The following SETDB2 variants were observed in gnomAD, a reference collection of about 807,000 sequenced individuals.
The protein encoded by SETDB2 is SET domain bifurcated histone lysine methyltransferase 2, also known as histone-lysine N-methyltransferase SETDB2.
SETDB2 carries 56 observed loss-of-function variants against 82.5 expected under a neutral mutation model. That is an observed-to-expected ratio of 0.68 (90% CI 0.55 to 0.85). The LOEUF (loss-of-function observed/expected upper bound fraction) is 0.85. SETDB2 is among the 40% of genes least tolerant of loss of function. The pLI is 0.00. For missense variants in SETDB2, 677 were observed against 816.4 expected (o/e 0.83, Z 2.08); for synonymous variants, 272 against 284.9 (o/e 0.95, Z 0.46).
chr13:49,487,232 A>C (rs1026351400), intron 11 of SETDB2, among the ~76,000 whole-genome samples: 3 of 152,230 alleles, frequency 2.0e-5, no homozygotes, highest in Non-Finnish European at 2.9e-5. Flanking sequence ...ATTTTAGACA[A>C]GTATAATTTC....
At chr13:49,464,162 A>G in intron 4 of SETDB2, 1 of 713,986 alleles carries the variant, frequency 1.4e-6, no homozygotes, top group Non-Finnish European at 2.6e-6. Context: ...TCCTATGAGA[A>G]TAAGTGAAAG....
chr13:49,488,331 C>T lies in SETDB2; in HGVS notation c.1618C>T (p.Leu540=). 2 of 1,601,212 alleles carry T rather than the reference C, an allele frequency of 1.2e-6. No individual in the cohort carries two copies. The highest frequency in any genetic ancestry group is 1.7e-6 in the Non-Finnish European group (2 of 1,176,874). ...CCATGTTGATGAGTTTGAAGATAAT[C>T]TGCTGATTGAATCAGATGTGATAGA... ...SNHVDEFEDN[L]LIESDVIDIT... Residue 540 remains leucine (L), a synonymous_variant, in exon 12 of 14, where the codon CTG becomes TTG. Coordinates refer to ENST00000611815, the MANE Select transcript of SETDB2 (RefSeq NM_001160308.3).
intron 2 of SETDB2, among the ~76,000 whole-genome samples, chr13:49,453,189 T>C (rs1957814815): frequency 6.6e-6 from 1 of 152,200 alleles, no homozygotes; most frequent in Non-Finnish European, 1.5e-5. Context: ...CATGGACTCA[T>C]GGCTATTTAT....
rs765747464 is a variant in SETDB2, at chr13:49,488,612, T to C, written c.1899T>C (p.Asn633=). The part of the protein sequence containing the change: ...VFLLDATKEG[N]VGRFLNHSCC... Reference sequence around the variant, plus strand: ...TATTGGATGCCACAAAAGAAGGAAATGTCGGCCGCTTCCTTAATGTGAGTA... The same window carrying C: ...TATTGGATGCCACAAAAGAAGGAAACGTCGGCCGCTTCCTTAATGTGAGTA... Residue 633 remains asparagine, a synonymous_variant, in exon 12 of 14, where the codon AAT becomes AAC. Transcript: ENST00000611815. 13 of 1,596,126 alleles carry C rather than the reference T, an allele frequency of 8.1e-6. No homozygotes were observed. The East Asian group carries it at 8.9e-5, about 11-fold the overall frequency.
Position 49,486,092 on chromosome 13 carries a change from A to AG in SETDB2, c.1576+371dup, listed in dbSNP as rs528629874. Among the ~76,000 whole-genome samples, 1,088 of 152,264 alleles carry AG rather than the reference A, an allele frequency of 7.1e-3. 4 individuals carry two copies. Among genetic ancestry groups the AG allele is most frequent in the Non-Finnish European group, 0.012 (798 of 68,002 alleles). ...TCTTAGCACTTTGGGAAGCCAAGGCAGGAGGGCTGCTTGAGGCTATGAGTC... is the reference window on the plus strand; with the variant it reads ...TCTTAGCACTTTGGGAAGCCAAGGCAGGGAGGGCTGCTTGAGGCTATGAGTC... On this transcript the variant is annotated intron_variant, in intron 11 of 13. Transcript: ENST00000611815.
chr13:49,461,186 G>T, intron 4 of SETDB2, 24 bp downstream of exon 4: 1 of 1,498,094 alleles, frequency 6.7e-7, no homozygotes, highest in South Asian at 1.2e-5. Context: ...TATTCCCATT[G>T]TAGAGTATTC....
chr13:49,463,648 G>C (rs1958043502), intron 4 of SETDB2, among the ~76,000 whole-genome samples: 1 of 152,218 alleles, frequency 6.6e-6, no homozygotes, highest in Non-Finnish European at 1.5e-5. Flanking sequence ...GCCTAGCACA[G>C]CTTATTCCAT....
At chr13:49,457,215 C>CCTT (rs1555270382) in intron 2 of SETDB2, among the ~76,000 whole-genome samples, 5 of 81,018 alleles carry the variant, frequency 6.2e-5, no homozygotes, top group African/African-American at 2.1e-4. Context: ...ATTTCTAAGA[C>CCTT]TTTTTTTTTT....
chr13:49,447,071 A>G (rs553806086), intron 1 of SETDB2, among the ~76,000 whole-genome samples: 2 of 152,262 alleles, frequency 1.3e-5, no homozygotes, highest in Admixed American at 1.3e-4. Flanking sequence ...GATGGCTGCA[A>G]ATTATATTTT....
At chr13:49,448,541 A>G (rs1378369167) in intron 1 of SETDB2, among the ~76,000 whole-genome samples, 1 of 152,120 alleles carries the variant, frequency 6.6e-6, no homozygotes, top group Non-Finnish European at 1.5e-5. Flanking sequence ...TCTTCTGTAA[A>G]CCATATACAT....
At chr13:49,471,678 A>G (rs373434589) in intron 5 of SETDB2, among the ~76,000 whole-genome samples, 7 of 151,920 alleles carry the variant, frequency 4.6e-5, no homozygotes, top group African/African-American at 1.7e-4. Context: ...ACATGTACCT[A>G]CACATACATA....
At chr13:49,482,524 T>G (rs1003668070) in intron 8 of SETDB2, among the ~76,000 whole-genome samples, 4 of 151,414 alleles carry the variant, frequency 2.6e-5, no homozygotes, top group Non-Finnish European at 5.9e-5. Context: ...AGACAAATGG[T>G]TTTTTTTTAG....
rs1264796904 is a variant in SETDB2, at chr13:49,482,923, G to A, written c.1343G>A (p.Cys448Tyr). The change falls in exon 9 of 14, where the codon TGT becomes TAT. Residue 448 changes from cysteine to tyrosine, a missense_variant. Physicochemically the swap from Cys to Tyr is radical, Grantham distance 194. Coordinates refer to ENST00000611815, the MANE Select transcript of SETDB2 (RefSeq NM_001160308.3). ...THPRTAKTEK[C>Y]PPKFSNNPKE... Reference sequence around the variant, plus strand: ...CCTAGAACTGCTAAAACTGAGAAATGTCCACCAAAGTTCAGTAATAATCCC... The same window carrying A: ...CCTAGAACTGCTAAAACTGAGAAATATCCACCAAAGTTCAGTAATAATCCC... The A allele has an allele frequency of 1.9e-6, 3 of 1,612,946 alleles. No homozygotes were observed. The highest frequency in any genetic ancestry group is 2.7e-5 in the African/African-American group (2 of 74,900).
Position 49,488,470 on chromosome 13 carries a change from A to G in SETDB2, c.1757A>G (p.Glu586Gly). 6.2e-7 allele frequency: 1 copy of G among 1,614,150 alleles called. No homozygotes were observed. Among genetic ancestry groups the G allele is most frequent in the Non-Finnish European group, 8.5e-7 (1 of 1,180,008 alleles). The change falls in exon 12 of 14, where the codon GAG (glutamate) becomes GGG (glycine). Residue 586 changes from glutamate (E) to glycine (G), a missense_variant. Coordinates refer to ENST00000611815, the MANE Select transcript of SETDB2 (RefSeq NM_001160308.3). ...AIEVQIQKPQ[E>G]GRSTACQRQQ... ...GAGGTTCAAATTCAGAAACCCCAAG[A>G]GGGACGATCTACAGCATGTCAAAGA... is the stretch of plus-strand genomic sequence containing the variant.
intron 4 of SETDB2, among the ~76,000 whole-genome samples, chr13:49,463,065 G>T (rs1254828483): frequency 1.3e-5 from 2 of 152,122 alleles, no homozygotes; most frequent in African/African-American, 4.8e-5. Flanking sequence ...GAGTACAGTG[G>T]TGGTATCTCA....
At position 49,488,493 on chromosome 13, in the gene SETDB2, A is replaced by C. The variant is rs746630846; in HGVS notation, c.1780A>C (p.Arg594=). The change falls in exon 12 of 14, where the codon AGA becomes CGA. Residue 594 remains arginine, a synonymous_variant. Coordinates refer to ENST00000611815, the MANE Select transcript of SETDB2 (RefSeq NM_001160308.3). The part of the protein sequence containing the change: ...PQEGRSTACQ[R]QQVFCDEELL... ...AGAGGGACGATCTACAGCATGTCAA[A>C]GACAGCAGGTATTTTGTGATGAAGA... 3.7e-6 allele frequency: 6 copies of C among 1,614,168 alleles called. No individual in the cohort carries two copies. The South Asian group carries it at 4.4e-5, about 12-fold the overall frequency.
At chr13:49,490,989 A>G in intron 13 of SETDB2, 79 bp downstream of exon 13, 1 of 1,157,642 alleles carries the variant, frequency 8.6e-7, no homozygotes, top group Non-Finnish European at 1.3e-6. Flanking sequence ...GCTGTGGCTC[A>G]TACCTGTAAT....
In SETDB2 at chr13:49,485,692, G is replaced by A. The variant is rs1331446696; in HGVS notation, c.1545G>A (p.Glu515=). 6.2e-6 allele frequency: 10 copies of A among 1,614,036 alleles called. No homozygotes were observed. The highest frequency in any genetic ancestry group is 5.3e-5 in the African/African-American group (4 of 75,002). ...ATGATGGATTTAAACCACCCCGAGA[G>A]CATCTGAACTCTAAAACCAAGGGAG... The part of the protein sequence containing the change: ...EDNDGFKPPR[E]HLNSKTKGAQ... The change falls in exon 11 of 14, where the codon GAG becomes GAA. Residue 515 remains glutamate, a synonymous_variant. Transcript: ENST00000611815.
chr13:49,480,010 G>A (rs917784870), intron 6 of SETDB2, among the ~76,000 whole-genome samples: 2 of 152,216 alleles, frequency 1.3e-5, no homozygotes, highest in South Asian at 2.1e-4. Context: ...AAATAGAGTT[G>A]CAGTGCAGTT....
Sources: allele counts gnomAD v4.1 joint callset (sites outside exome capture counted in the v4.1 genomes callset), GRCh38; gene constraint gnomAD v4.1.1; transcripts MANE v1.5; gene names NCBI Gene and HGNC (gene_info 2026-07-23, HGNC 2026-07-21).